DBT: variants seen among roughly 807,000 people sequenced by gnomAD.
DBT encodes lipoamide acyltransferase component of branched-chain alpha-keto acid dehydrogenase complex, mitochondrial.
In DBT, 40 loss-of-function variants were observed where a neutral mutation model predicts 51.3. That is an observed-to-expected ratio of 0.78 (90% CI 0.61 to 1.02). The LOEUF (loss-of-function observed/expected upper bound fraction) is 1.02. Among genes scored for constraint, DBT ranks in the 50% least tolerant of loss-of-function variants. The pLI is 0.00. For synonymous variants in DBT, 181 were observed against 190.4 expected, an observed-to-expected ratio of 0.95 and a Z score of 0.41; for missense variants, 510 against 580.2, an observed-to-expected ratio of 0.88 and a Z score of 1.24.
At position 100,192,333 on chromosome 1, in the gene DBT, C is replaced by T. The variant is rs2101817536; in HGVS notation, c.*3922G>A. On this transcript the variant is annotated 3_prime_UTR_variant, in exon 11 of 11. Transcript: ENST00000370132. ...GGGCAAAAACTTCATCTATCTAATTCACCTTTATCCATAATCTCTACCCTA... is the reference window on the plus strand; with the variant it reads ...GGGCAAAAACTTCATCTATCTAATTTACCTTTATCCATAATCTCTACCCTA... 1 of 152,342 alleles carries T rather than the reference C, an allele frequency of 6.6e-6. No individual in the cohort carries two copies. Among genetic ancestry groups the T allele is most frequent in the Non-Finnish European group, 1.5e-5 (1 of 68,042 alleles). The allele number at this position is 152,342 out of a possible 1,614,324, so 9.4% of individuals were successfully genotyped here.
chr1:100,249,368 A>G (rs921982431), intron 1 of DBT: 1 of 333,300 alleles, frequency 3.0e-6, no homozygotes, highest in African/African-American at 2.1e-5. Context: ...TCCTCTACAC[A>G]CTGTAGATTC....
At chr1:100,233,599 T>G (rs1663675511) in intron 3 of DBT, among the ~76,000 whole-genome samples, 2 of 152,232 alleles carry the variant, frequency 1.3e-5, no homozygotes, top group African/African-American at 4.8e-5. Flanking sequence ...AACATAAATT[T>G]AATTTACTCA....
In DBT at chr1:100,243,163, G is replaced by A. The variant is rs534628237; in HGVS notation, c.52-2279C>T. On this transcript the variant is annotated intron_variant, in intron 1 of 10. Transcript: ENST00000370132. ...CGTAGTCCCAGCTACTTGGGAGGCT[G>A]AGGCACAAGAATCACTTGAACCTGG... is the stretch of plus-strand genomic sequence containing the variant. 5.0e-4 allele frequency among the ~76,000 whole-genome samples: 75 copies of A among 149,828 alleles called. 1 individual carries two copies. Among genetic ancestry groups the A allele is most frequent in the African/African-American group, 1.8e-3 (73 of 40,778 alleles).
intron 10 of DBT, among the ~76,000 whole-genome samples, chr1:100,200,750 G>A (rs967533853): frequency 1.3e-5 from 2 of 152,216 alleles, no homozygotes; most frequent in Non-Finnish European, 2.9e-5. Context: ...CTCCACTGGT[G>A]ATACCCAGGC....
rs969842468 is a variant in DBT, at chr1:100,194,889, A to G, written c.*1366T>C. 2 of 152,234 alleles carry G rather than the reference A, an allele frequency of 1.3e-5. No individual in the cohort carries two copies. The highest frequency in any genetic ancestry group is 4.8e-5 in the African/African-American group (2 of 41,468). The allele number at this position is 152,234 out of a possible 1,614,324, so 9.4% of individuals were successfully genotyped here. On this transcript the variant is annotated 3_prime_UTR_variant, in exon 11 of 11. Transcript: ENST00000370132. ...CTTCACTTAAACAACTAATTTTGGC[A>G]TACAGTTTTCAACTGGACAATATTA...
chr1:100,235,553 A>G (rs754172639), intron 2 of DBT, 42 bp from the exon 3 acceptor site: 1 of 1,000,380 alleles, frequency 1.0e-6, no homozygotes, highest in Non-Finnish European at 1.6e-6. Context: ...AGTATATAAC[A>G]TATTACTAAT....
intron 9 of DBT, 70 bp from the exon 10 acceptor site, chr1:100,206,371 C>T: frequency 6.4e-7 from 1 of 1,559,864 alleles, no homozygotes. Context: ...TGCCAAGTGA[C>T]TTTTCTATTT....
intron 10 of DBT, among the ~76,000 whole-genome samples, chr1:100,201,887 CA>C (rs1557941940): frequency 6.6e-6 from 1 of 152,166 alleles, no homozygotes; most frequent in Non-Finnish European, 1.5e-5. Context: ...GCCTGCCCTA[CA>C]AGAGCTCCTG....
intron 10 of DBT, among the ~76,000 whole-genome samples, chr1:100,197,642 A>T (rs1661195040): frequency 6.6e-6 from 1 of 152,172 alleles, no homozygotes; most frequent in African/African-American, 2.4e-5. Context: ...ATTAGGAGGT[A>T]TGGGTAAAGG....
At chr1:100,223,610 G>A (rs1267007287) in intron 4 of DBT, among the ~76,000 whole-genome samples, 1 of 152,168 alleles carries the variant, frequency 6.6e-6, no homozygotes, top group African/African-American at 2.4e-5. Flanking sequence ...GGGACTACAG[G>A]TGTGCTCCAC....
chr1:100,231,295 G>T (rs1226730180), intron 3 of DBT, among the ~76,000 whole-genome samples: 1 of 152,148 alleles, frequency 6.6e-6, no homozygotes, highest in East Asian at 1.9e-4. Flanking sequence ...CCAGAAATAA[G>T]TTTAAAAAGT....
At chr1:100,217,799 T>C (rs1662584105) in intron 5 of DBT, among the ~76,000 whole-genome samples, 1 of 134,468 alleles carries the variant, frequency 7.4e-6, no homozygotes, top group East Asian at 2.3e-4. Context: ...ATTACAGATG[T>C]GTCTATAGTG....
intron 1 of DBT, among the ~76,000 whole-genome samples, chr1:100,241,366 TTGTGTGTGTGTGTGTGTG>T (rs58256713): frequency 6.9e-6 from 1 of 144,010 alleles, no homozygotes; most frequent in Non-Finnish European, 1.5e-5. Context: ...CTGAAAGGTA[TTGTGTGTGTGTGTGTGTG>T]TGTGTGTGTG....
chr1:100,231,608 T>C (rs1310083360), intron 3 of DBT, among the ~76,000 whole-genome samples: 3 of 152,188 alleles, frequency 2.0e-5, no homozygotes, highest in East Asian at 1.9e-4. Context: ...TGTCCTCCTG[T>C]CCTAACCAGT....
chr1:100,241,541 G>A (rs1664210604), intron 1 of DBT, among the ~76,000 whole-genome samples: 2 of 151,798 alleles, frequency 1.3e-5, no homozygotes, highest in South Asian at 2.1e-4. Flanking sequence ...GACCACAGGC[G>A]CATGCTACCC....
chr1:100,213,752 A>T, intron 7 of DBT: 1 of 1,533,134 alleles, frequency 6.5e-7, no homozygotes. Flanking sequence ...TTATTTGATT[A>T]AGCTTCAGGA....
At chr1:100,236,572 T>C (rs1213846883) in intron 2 of DBT, among the ~76,000 whole-genome samples, 1 of 152,176 alleles carries the variant, frequency 6.6e-6, no homozygotes, top group Non-Finnish European at 1.5e-5. Context: ...CTCTAGCAAG[T>C]TGGGTCCTCT....
chr1:100,206,072 T>TAAAAAAAA (rs35150096), intron 10 of DBT, among the ~76,000 whole-genome samples, 158 bp downstream of exon 10: 1 of 124,858 alleles, frequency 8.0e-6, no homozygotes, highest in Non-Finnish European at 1.7e-5. Flanking sequence ...AACTTAAAGT[T>TAAAAAAAA]AAAAAAAAAA....
In DBT at chr1:100,187,438, T is replaced by G. The variant is rs1379801789; in HGVS notation, c.*8817A>C. 2 of 152,250 alleles carry G rather than the reference T, an allele frequency of 1.3e-5. No individual in the cohort carries two copies. The highest frequency in any genetic ancestry group is 4.8e-5 in the African/African-American group (2 of 41,464). The allele number at this position is 152,250 out of a possible 1,614,324, so 9.4% of individuals were successfully genotyped here. ...TGCAGAAATAAAAGCTATACTGAAT[T>G]TAAAACTTTTTACACACATAATCCT... On this transcript the variant is annotated 3_prime_UTR_variant, in exon 11 of 11. Coordinates refer to ENST00000370132, the MANE Select transcript of DBT (RefSeq NM_001918.5).
Sources: gnomAD v4.1 joint callset for allele counts (sites outside exome capture counted in the v4.1 genomes callset) on GRCh38, gnomAD v4.1.1 for gene constraint, MANE v1.5 for transcripts, NCBI Gene and HGNC (gene_info 2026-07-23, HGNC 2026-07-21) for gene names.